DENND1A: variants seen among roughly 807,000 people sequenced by gnomAD.
The protein encoded by DENND1A is DENN domain containing 1A, also known as DENN domain-containing protein 1A.
Under a neutral mutation model 113.7 loss-of-function variants are expected in DENND1A, and 51 were observed. The ratio of observed to expected loss-of-function variants is 0.45; its 90% confidence interval spans 0.36 to 0.57. The LOEUF (loss-of-function observed/expected upper bound fraction) is 0.57, where lower values mean the gene tolerates loss of function less well. DENND1A is among the 20% of genes least tolerant of loss of function. The pLI is 0.00. For missense variants in DENND1A, 1,258 were observed against 1,395.9 expected (o/e 0.90, Z 1.57); for synonymous variants, 565 against 570.8 (o/e 0.99, Z 0.14).
At chr9:123,670,954 G>A (rs1051029632) in intron 7 of DENND1A, among the ~76,000 whole-genome samples, 1 of 152,194 alleles carries the variant, frequency 6.6e-6, no homozygotes, top group Non-Finnish European at 1.5e-5. Flanking sequence ...GCTGGGGGAC[G>A]AGGGTGATAC....
chr9:123,451,457 C>T (rs1366105023), intron 17 of DENND1A, among the ~76,000 whole-genome samples: 1 of 152,186 alleles, frequency 6.6e-6, no homozygotes, highest in Non-Finnish European at 1.5e-5. Flanking sequence ...ATGTGCTCTC[C>T]TATTTTCACT....
chr9:123,779,880 T>TTTTTTTTTTTTTTA (rs1564254952), intron 3 of DENND1A, among the ~76,000 whole-genome samples: 1 of 151,606 alleles, frequency 6.6e-6, no homozygotes, highest in Non-Finnish European at 1.5e-5. Flanking sequence ...GACTTTTTTT[T>TTTTTTTTTTTTTTA]GAGACGGAGT....
At chr9:123,776,840 T>C (rs1293367711) in intron 3 of DENND1A, among the ~76,000 whole-genome samples, 1 of 152,096 alleles carries the variant, frequency 6.6e-6, no homozygotes, top group Non-Finnish European at 1.5e-5. Context: ...AGCATGAAAA[T>C]GAGGGGGAAG....
intron 13 of DENND1A, among the ~76,000 whole-genome samples, chr9:123,509,124 A>C (rs573724587): frequency 6.6e-6 from 1 of 152,284 alleles, no homozygotes; most frequent in African/African-American, 2.4e-5. Flanking sequence ...TGAGTAGGGG[A>C]TGGCTCACAT....
At chr9:123,576,129 T>A (rs1236982992) in intron 12 of DENND1A, among the ~76,000 whole-genome samples, 1 of 152,176 alleles carries the variant, frequency 6.6e-6, no homozygotes, top group East Asian at 1.9e-4. Context: ...CCTTGTAAGG[T>A]TTACAACATA....
chr9:123,696,790 G>A (rs1424660987), intron 5 of DENND1A, among the ~76,000 whole-genome samples: 3 of 152,140 alleles, frequency 2.0e-5, no homozygotes, highest in Non-Finnish European at 4.4e-5. Flanking sequence ...ATTAGACAGC[G>A]AAGGGGCAGG....
At chr9:123,603,680 C>T (rs1589310228) in intron 11 of DENND1A, among the ~76,000 whole-genome samples, 1 of 152,132 alleles carries the variant, frequency 6.6e-6, no homozygotes, top group African/African-American at 2.4e-5. Flanking sequence ...CTTGAACTAC[C>T]ACATAGTACA....
intron 13 of DENND1A, among the ~76,000 whole-genome samples, chr9:123,533,232 G>C (rs570394909): frequency 1.3e-5 from 2 of 152,324 alleles, no homozygotes; most frequent in East Asian, 3.9e-4. Context: ...CAAGCACATA[G>C]AAGGTGCTCA....
intron 18 of DENND1A, among the ~76,000 whole-genome samples, chr9:123,444,469 C>T (rs760121819): frequency 4.6e-5 from 7 of 152,124 alleles, no homozygotes; most frequent in South Asian, 2.1e-4. Context: ...GCCTGGCCAA[C>T]GTGGTGAAAC....
intron 13 of DENND1A, among the ~76,000 whole-genome samples, chr9:123,556,328 G>A (rs545163733): frequency 5.3e-5 from 8 of 152,256 alleles, no homozygotes; most frequent in Admixed American, 3.3e-4. Context: ...CCACTGCCCC[G>A]GCCACTTCAC....
chr9:123,515,900 T>C (rs2053851950), intron 13 of DENND1A, among the ~76,000 whole-genome samples: 1 of 151,678 alleles, frequency 6.6e-6, no homozygotes, highest in Non-Finnish European at 1.5e-5. Context: ...AACCCTGTCT[T>C]TACAAAAAAT....
chr9:123,573,128 T>C (rs1308878343), intron 12 of DENND1A, among the ~76,000 whole-genome samples: 3 of 152,056 alleles, frequency 2.0e-5, no homozygotes, highest in Non-Finnish European at 2.9e-5. Flanking sequence ...AATTCTGGAC[T>C]CTTAATTTTG....
chr9:123,927,846 T>C (rs541061567), intron 1 of DENND1A, among the ~76,000 whole-genome samples: 1 of 152,334 alleles, frequency 6.6e-6, no homozygotes, highest in South Asian at 2.1e-4. Flanking sequence ...CAGCCAGTAG[T>C]AACCAAAGCT....
chr9:123,816,582 G>T (rs939244077), intron 2 of DENND1A, among the ~76,000 whole-genome samples: 1 of 152,138 alleles, frequency 6.6e-6, no homozygotes, highest in African/African-American at 2.4e-5. Flanking sequence ...GGGAATGTTT[G>T]AAAGAACACA....
chr9:123,621,417 C>T (rs904624077), intron 10 of DENND1A, among the ~76,000 whole-genome samples: 14 of 152,036 alleles, frequency 9.2e-5, no homozygotes, highest in Non-Finnish European at 1.8e-4. Context: ...GAACTCTTGG[C>T]CCCAAGTGAT....
chr9:123,687,420 CTT>C (rs2064877560), intron 5 of DENND1A, among the ~76,000 whole-genome samples: 1 of 152,170 alleles, frequency 6.6e-6, no homozygotes, highest in Admixed American at 6.5e-5. Context: ...TTGATTAACT[CTT>C]GTTTCCACAG....
At chr9:123,591,451 T>C (rs1345678676) in intron 11 of DENND1A, among the ~76,000 whole-genome samples, 2 of 152,222 alleles carry the variant, frequency 1.3e-5, no homozygotes, top group Non-Finnish European at 2.9e-5. Context: ...GGGCTGGACA[T>C]TGAGGAGCAG....
intron 3 of DENND1A, among the ~76,000 whole-genome samples, chr9:123,785,892 C>T (rs1281455531): frequency 1.3e-5 from 2 of 152,086 alleles, no homozygotes; most frequent in African/African-American, 4.8e-5. Flanking sequence ...GGTTGAAAAA[C>T]CCAAGAATCA....
At chr9:123,453,543 G>A (rs767342520) in intron 16 of DENND1A, among the ~76,000 whole-genome samples, 3 of 152,168 alleles carry the variant, frequency 2.0e-5, no homozygotes, top group East Asian at 1.9e-4. Context: ...TGAAGGGCCC[G>A]GAATGCCAGG....
Sources: allele counts gnomAD v4.1 joint callset (sites outside exome capture counted in the v4.1 genomes callset), GRCh38; gene constraint gnomAD v4.1.1; transcripts MANE v1.5; gene names NCBI Gene and HGNC (gene_info 2026-07-23, HGNC 2026-07-21).